Variants in CALN1 observed in about 807,000 individuals in gnomAD.
CALN1 encodes calneuron 1.
CALN1 carries 17 observed loss-of-function variants against 30.6 expected under a neutral mutation model. That is an observed-to-expected ratio of 0.56 (90% CI 0.38 to 0.83). The LOEUF is 0.83. Among genes scored for constraint, CALN1 ranks in the 40% least tolerant of loss-of-function variants. The pLI is 0.00. For missense variants in CALN1, 291 were observed against 354.9 expected (o/e 0.82, Z 1.45); for synonymous variants, 156 against 131.4 (o/e 1.19, Z -1.28).
chr7:72,246,702 C>T (rs976896001), intron 3 of CALN1, among the ~76,000 whole-genome samples: 6 of 151,692 alleles, frequency 4.0e-5, no homozygotes, highest in Admixed American at 6.6e-5. Flanking sequence ...CAGGACTATC[C>T]GATACCCCAT....
chr7:72,189,006 C>T (rs922134360), intron 3 of CALN1, among the ~76,000 whole-genome samples: 2 of 152,172 alleles, frequency 1.3e-5, no homozygotes, highest in Non-Finnish European at 2.9e-5. Flanking sequence ...AGAACGGTGG[C>T]TCCTCCAGTG....
chr7:71,810,739 C>T (rs527396610), intron 5 of CALN1, among the ~76,000 whole-genome samples: 244 of 152,250 alleles, frequency 1.6e-3, no homozygotes, highest in Admixed American at 5.6e-3. Context: ...AAATGCCACC[C>T]GCCAGTCTGG....
intron 4 of CALN1, among the ~76,000 whole-genome samples, chr7:72,070,461 C>T (rs1193044235): frequency 6.6e-6 from 1 of 152,192 alleles, no homozygotes; most frequent in Non-Finnish European, 1.5e-5. Context: ...CTAGGTTCTC[C>T]TTCCTGATGG....
At chr7:72,473,861 G>A in the CALN1 span, among the ~76,000 whole-genome samples, 5 of 150,554 alleles carry the variant, frequency 3.3e-5, no homozygotes, top group South Asian at 4.2e-4. Flanking sequence ...CCCAGAAGGC[G>A]GAGGTTGCAG....
chr7:72,031,796 C>T (rs1801459983), intron 4 of CALN1, among the ~76,000 whole-genome samples: 1 of 140,376 alleles, frequency 7.1e-6, no homozygotes, highest in African/African-American at 2.7e-5. Context: ...GGCTGAAGTG[C>T]AATGGCATGA....
intron 3 of CALN1, among the ~76,000 whole-genome samples, chr7:72,167,674 T>C (rs1454889398): frequency 1.3e-5 from 2 of 152,232 alleles, no homozygotes; most frequent in African/African-American, 2.4e-5. Context: ...GCTAGTCACA[T>C]GCTCTGTGAA....
At chr7:72,150,223 A>T (rs1023230799) in intron 3 of CALN1, among the ~76,000 whole-genome samples, 2 of 152,046 alleles carry the variant, frequency 1.3e-5, no homozygotes, top group African/African-American at 4.8e-5. Context: ...CATATGCAAG[A>T]TGGAGCCCAA....
At chr7:72,027,330 G>T (rs1242880510) in intron 4 of CALN1, among the ~76,000 whole-genome samples, 1 of 152,150 alleles carries the variant, frequency 6.6e-6, no homozygotes, top group Admixed American at 6.5e-5. Context: ...TATCAGCAGT[G>T]GGCATCATCT....
At chr7:72,290,341 T>G (rs1198084994) in intron 2 of CALN1, among the ~76,000 whole-genome samples, 1 of 152,060 alleles carries the variant, frequency 6.6e-6, no homozygotes, top group East Asian at 1.9e-4. Context: ...ACAAAGCAGC[T>G]ATGGTGGTGG....
intron 2 of CALN1, among the ~76,000 whole-genome samples, chr7:72,297,310 A>T (rs1301054198): frequency 1.4e-5 from 2 of 147,922 alleles, no homozygotes; most frequent in East Asian, 3.8e-4. Flanking sequence ...AAATTAAGAA[A>T]ATAGGAAAAA....
chr7:72,006,029 T>G (rs1301177962), intron 5 of CALN1, among the ~76,000 whole-genome samples: 1 of 152,232 alleles, frequency 6.6e-6, no homozygotes, highest in African/African-American at 2.4e-5. Context: ...ATTATGGTTT[T>G]GGAAAATGTT....
At chr7:71,854,967 G>A (rs1011069257) in intron 5 of CALN1, among the ~76,000 whole-genome samples, 1 of 152,172 alleles carries the variant, frequency 6.6e-6, no homozygotes, top group Non-Finnish European at 1.5e-5. Flanking sequence ...TGCTAACCCT[G>A]TCTGGACAAG....
intron 3 of CALN1, among the ~76,000 whole-genome samples, chr7:72,209,559 CTCCCTCTCTT>C (rs1792236301): frequency 2.0e-5 from 3 of 151,080 alleles, no homozygotes; most frequent in African/African-American, 4.9e-5. Flanking sequence ...TCCTCCCTCT[CTCCCTCTCTT>C]TCTCTTTGCA....
intron 3 of CALN1, among the ~76,000 whole-genome samples, chr7:72,233,724 C>A (rs1204036131): frequency 1.3e-5 from 2 of 151,960 alleles, no homozygotes; most frequent in East Asian, 1.9e-4. Context: ...CTAAATTAGG[C>A]CAGGCATGCT....
At chr7:72,203,382 G>A (rs542177929) in intron 3 of CALN1, among the ~76,000 whole-genome samples, 13 of 151,860 alleles carry the variant, frequency 8.6e-5, no homozygotes, top group East Asian at 5.8e-4. Flanking sequence ...TTAAATTTAC[G>A]CGAAACAATG....
At chr7:72,371,259 ATC>A (rs1804226890) in intron 2 of CALN1, among the ~76,000 whole-genome samples, 1 of 152,100 alleles carries the variant, frequency 6.6e-6, no homozygotes, top group Admixed American at 6.5e-5. Flanking sequence ...GTTTTGTGAG[ATC>A]TAAGGATTGA....
At chr7:72,262,249 T>G (rs1796316173) in intron 3 of CALN1, among the ~76,000 whole-genome samples, 1 of 152,174 alleles carries the variant, frequency 6.6e-6, no homozygotes, top group Non-Finnish European at 1.5e-5. Flanking sequence ...CTCCTGATCC[T>G]TGAGAGCATC....
intron 3 of CALN1, among the ~76,000 whole-genome samples, chr7:72,129,461 G>C (rs1176331437): frequency 6.6e-6 from 1 of 151,580 alleles, no homozygotes; most frequent in Admixed American, 6.6e-5. Context: ...GTTATAGATA[G>C]ACAGATAGAT....
chr7:72,205,501 C>G (rs1002515351), intron 3 of CALN1, among the ~76,000 whole-genome samples: 3 of 139,500 alleles, frequency 2.2e-5, no homozygotes, highest in African/African-American at 8.2e-5. Flanking sequence ...CCACACCCAG[C>G]CTTTCCCCAA....
Sources: allele counts gnomAD v4.1 joint callset (sites outside exome capture counted in the v4.1 genomes callset), GRCh38; gene constraint gnomAD v4.1.1; transcripts MANE v1.5; gene names NCBI Gene and HGNC (gene_info 2026-07-23, HGNC 2026-07-21).